Variants in LYST observed in about 807,000 individuals in gnomAD.
LYST encodes the protein lysosomal trafficking regulator, also known as lysosomal-trafficking regulator.
In LYST, 192 loss-of-function variants were observed where a neutral mutation model predicts 413.6. The ratio of observed to expected loss-of-function variants is 0.46; its 90% CI spans 0.41 to 0.52. The LOEUF (loss-of-function observed/expected upper bound fraction) is 0.52. Among genes scored for constraint, LYST ranks in the 20% least tolerant of loss-of-function variants. The probability of loss-of-function intolerance (pLI) is 0.00; values close to 1 mark genes in which losing one functional copy is unlikely to be tolerated. For synonymous variants in LYST, 1,525 were observed against 1,567.3 expected, an observed-to-expected ratio of 0.97 and a Z score of 0.64; for missense variants, 3,815 against 4,499.9, an observed-to-expected ratio of 0.85 and a Z score of 4.35.
chr1:235,780,783 A>C, intron 16 of LYST, 82 bp downstream of exon 16: 2 of 504,944 alleles, frequency 4.0e-6, no homozygotes. Context: ...ATCTTTAGAA[A>C]TCTAATTCAT....
intron 24 of LYST, among the ~76,000 whole-genome samples, chr1:235,756,519 G>A (rs1459853764): frequency 6.6e-6 from 1 of 151,938 alleles, no homozygotes; most frequent in Admixed American, 6.6e-5. Context: ...CATGAAATGC[G>A]AGCTCAATAC....
chr1:235,738,557 T>C, intron 31 of LYST: 1 of 1,611,214 alleles, frequency 6.2e-7, no homozygotes, highest in Non-Finnish European at 8.5e-7. Context: ...TAAGCTGTCA[T>C]GGGTGAGTCC....
chr1:235,819,923 G>T (rs1572367110), intron 3 of LYST, among the ~76,000 whole-genome samples: 1 of 152,220 alleles, frequency 6.6e-6, no homozygotes, highest in South Asian at 2.1e-4. Context: ...TGGGATTACA[G>T]GCGTGAGCCA....
At chr1:235,789,416 C>T (rs1670771359) in intron 12 of LYST, among the ~76,000 whole-genome samples, 1 of 152,150 alleles carries the variant, frequency 6.6e-6, no homozygotes, top group Non-Finnish European at 1.5e-5. Context: ...AGGGTAAATG[C>T]TTACAGGCTT....
At chr1:235,798,928 C>T (rs1342216385) in intron 10 of LYST, among the ~76,000 whole-genome samples, 3 of 152,086 alleles carry the variant, frequency 2.0e-5, no homozygotes, top group African/African-American at 7.2e-5. Flanking sequence ...GTCATGGTTG[C>T]ACAGCTCTGT....
chr1:235,787,101 C>A (rs1022465153), intron 14 of LYST, 99 bp downstream of exon 14: 79 of 898,862 alleles, frequency 8.8e-5, no homozygotes, highest in Non-Finnish European at 1.2e-4. Flanking sequence ...ATAGTAAAAA[C>A]CTAGAAGTTT....
In LYST at chr1:235,854,695, G is replaced by A. The variant is rs952187519; in HGVS notation, c.-98+12148C>T. Among the ~76,000 whole-genome samples the A allele has an allele frequency of 3.3e-5, 5 of 152,126 alleles. No homozygotes were observed. In the East Asian group the frequency reaches 9.6e-4, roughly 29 times the overall value. ...ATTCATGTAAAATGCATAGCACAGTGCCTGGCAGATTGCAGGAAAATCAAT... is the reference window on the plus strand; with the variant it reads ...ATTCATGTAAAATGCATAGCACAGTACCTGGCAGATTGCAGGAAAATCAAT... On this transcript the variant is annotated intron_variant, in intron 1 of 52. Coordinates refer to ENST00000389793, the MANE Select transcript of LYST (RefSeq NM_000081.4). The surrounding 1 kb of genome is among the most constrained non-coding windows in gnomAD (Gnocchi z 4.1).
At chr1:235,690,291 CT>C (rs1660547702) in intron 47 of LYST, among the ~76,000 whole-genome samples, 1 of 152,220 alleles carries the variant, frequency 6.6e-6, no homozygotes, top group South Asian at 2.1e-4. Context: ...ACATATTTGT[CT>C]GTTTTTCCCA....
chr1:235,699,278 C>A (rs987939464), intron 45 of LYST, among the ~76,000 whole-genome samples: 1 of 152,122 alleles, frequency 6.6e-6, no homozygotes, highest in African/African-American at 2.4e-5. Context: ...TGTTTTTCCC[C>A]TCCCTGTGTC....
At position 235,806,757 on chromosome 1, in the gene LYST, C is replaced by T. The variant is rs1390967317; in HGVS notation, c.2379G>A (p.Leu793=). 3.1e-6 allele frequency: 5 copies of T among 1,610,588 alleles called. No homozygotes were observed. Among genetic ancestry groups the T allele is most frequent in the Non-Finnish European group, 4.2e-6 (5 of 1,177,096 alleles). ...GACTTACTCCATTACAACTCAAAAACAAATCTCTTATTACCCTGTGAAAGA... is the reference window on the plus strand; with the variant it reads ...GACTTACTCCATTACAACTCAAAAATAAATCTCTTATTACCCTGTGAAAGA... The part of the protein sequence containing the change: ...ILLKSRVIRD[L]FLSCNGVSQI... The change falls in exon 6 of 53, where the codon TTG becomes TTA. Residue 793 remains leucine (L), a synonymous_variant. Transcript: ENST00000389793.
Position 235,858,984 on chromosome 1 carries a change from T to C in LYST, c.-98+7859A>G, listed in dbSNP as rs185239293. Among the ~76,000 whole-genome samples the C allele has an allele frequency of 3.3e-5, 5 of 152,334 alleles. No individual in the cohort carries two copies. The East Asian group carries it at 7.7e-4, about 23-fold the overall frequency. ...ATCATGATTCAGCAAAGAAGTCACA[T>C]GCCCCTAGTTAAGTCCCTTTTACAA... On this transcript the variant is annotated intron_variant, in intron 1 of 52. Transcript: ENST00000389793.
At position 235,751,827 on chromosome 1, in the gene LYST, T is replaced by C. The variant is rs28535020; in HGVS notation, c.7627+178A>G. On this transcript the variant is annotated intron_variant, in intron 27 of 52. Transcript: ENST00000389793. The stretch of plus-strand genomic sequence containing the variant: ...AACTACATGGGGGAATCACTTTTTC[T>C]ATTTTTGCCACTTTTTCAAGCCTTT... Among the ~76,000 whole-genome samples the C allele has an allele frequency of 7.6e-3, 1,165 of 152,314 alleles. 14 individuals are homozygous for C. The highest frequency in any genetic ancestry group is 0.027 in the African/African-American group (1,108 of 41,576).
intron 50 of LYST, among the ~76,000 whole-genome samples, chr1:235,665,927 A>C (rs1166516874): frequency 6.6e-6 from 1 of 152,096 alleles, no homozygotes; most frequent in Non-Finnish European, 1.5e-5. Flanking sequence ...CATACTGATA[A>C]AGCGGTTAGG....
At position 235,694,486 on chromosome 1, in the gene LYST, G is replaced by T. The variant is rs539214694; in HGVS notation, c.10565-1000C>A. ...GCCCTTGAAACTTGCAATGTTTTAA[G>T]TTCCTAAAGGAGAGACAATGTGCTT... On this transcript the variant is annotated intron_variant, in intron 46 of 52. Coordinates refer to ENST00000389793, the MANE Select transcript of LYST (RefSeq NM_000081.4). Among the ~76,000 whole-genome samples, 4 of 152,274 alleles carry T rather than the reference G, an allele frequency of 2.6e-5. No homozygotes were observed. The South Asian group carries it at 6.2e-4, about 24-fold the overall frequency.
chr1:235,755,753 G>A, intron 24 of LYST, 106 bp from the exon 25 acceptor site: 1 of 645,044 alleles, frequency 1.6e-6, no homozygotes, highest in South Asian at 1.9e-5. Context: ...CATATGTACA[G>A]AAGAACACAG....
chr1:235,693,749 A>C (rs1269530533), intron 46 of LYST, among the ~76,000 whole-genome samples: 4 of 152,204 alleles, frequency 2.6e-5, no homozygotes, highest in Non-Finnish European at 1.5e-5. Context: ...TTCTGTTAAG[A>C]AATTATTATA....
Position 235,744,096 on chromosome 1 carries a change from G to A in LYST, c.8034C>T (p.Thr2678=). Residue 2678 remains threonine (T), a synonymous_variant, in exon 30 of 53, where the codon ACC becomes ACT. Transcript: ENST00000389793. ...RTPENVTQSK[T]SVFQTEISEE... is the part of the protein sequence containing the mutation. ...CAGAAATTTCGGTCTGGAAAACTGA[G>A]GTCTTGCTTTGAGTTACATTTTCTG... 6.9e-6 allele frequency: 11 copies of A among 1,600,694 alleles called. No homozygotes were observed. The highest frequency in any genetic ancestry group is 9.4e-6 in the Non-Finnish European group (11 of 1,168,162).
rs1660252841 is a variant in LYST, at chr1:235,686,732, AAT to A, written c.10800+215_10800+216del. The stretch of plus-strand genomic sequence containing the variant: ...TAAATACAAAACAGATCTAACTCAA[AAT>A]ACCGTCTCTGAAAAAAAATGGGACT... On this transcript the variant is annotated intron_variant, in intron 48 of 52. Transcript: ENST00000389793. This position sits in a 1 kb window ranked among gnomAD's most constrained non-coding sequence, Gnocchi z 4.0. 6.6e-6 allele frequency among the ~76,000 whole-genome samples: 1 copy of A among 152,240 alleles called. No homozygotes were observed. The highest frequency in any genetic ancestry group is 1.5e-5 in the Non-Finnish European group (1 of 68,042).
chr1:235,879,972 G>C (rs926605624), intron 1 of LYST, among the ~76,000 whole-genome samples: 7 of 152,114 alleles, frequency 4.6e-5, no homozygotes, highest in Admixed American at 4.6e-4. Context: ...CCTGACCTCA[G>C]GTGATCTGCC....
Sources: allele counts gnomAD v4.1 joint callset (sites outside exome capture counted in the v4.1 genomes callset), GRCh38; gene constraint gnomAD v4.1.1; non-coding constraint Gnocchi (gnomAD v3.1); transcripts MANE v1.5; gene names NCBI Gene and HGNC (gene_info 2026-07-23, HGNC 2026-07-21).